POLN: variants seen among roughly 807,000 people sequenced by gnomAD.
POLN encodes DNA polymerase nu.
In POLN, 108 loss-of-function variants were observed where a neutral mutation model predicts 113.5. That is an observed-to-expected ratio of 0.95 (90% CI 0.81 to 1.12). The LOEUF (loss-of-function observed/expected upper bound fraction) is 1.12. POLN is among the 50% of genes most tolerant of loss of function. The probability of loss-of-function intolerance (pLI) is 0.00; values close to 1 mark genes in which losing one functional copy is unlikely to be tolerated. For missense variants in POLN, 1,097 were observed against 1,077.1 expected (o/e 1.02, Z -0.26); for synonymous variants, 386 against 391.5 (o/e 0.99, Z 0.17).
chr4:2,113,859 AAATAATAATAATAATAATAAT>A (rs150255371), intron 19 of POLN, among the ~76,000 whole-genome samples: 1 of 140,038 alleles, frequency 7.1e-6, no homozygotes, highest in Non-Finnish European at 1.5e-5. Flanking sequence ...CTCCATTTCA[AAATAATAATAATAATAATAAT>A]AATAATAATA....
At chr4:2,241,045 A>C in intron 2 of POLN, 3 of 842,292 alleles carry the variant, frequency 3.6e-6, no homozygotes, top group Non-Finnish European at 5.6e-6. Flanking sequence ...TTTTATACCA[A>C]GTCCACAGAG....
intron 3 of POLN, among the ~76,000 whole-genome samples, chr4:2,219,707 C>T (rs1186037155): frequency 1.3e-5 from 2 of 152,150 alleles, no homozygotes; most frequent in Admixed American, 6.5e-5. Flanking sequence ...GTTTCCCAGC[C>T]CTCCACAATA....
In POLN at chr4:2,093,536, C is replaced by A. The variant is rs968964395; in HGVS notation, c.2065+2315G>T. On this transcript the variant is annotated intron_variant, in intron 20 of 25. Coordinates refer to ENST00000511885, the MANE Select transcript of POLN (RefSeq NM_181808.4). The surrounding 1 kb of genome is among the most constrained non-coding windows in gnomAD (Gnocchi z 4.1). ...GGGTTGGGGATCAAGCCCAGGCTGC[C>A]GGGCCCAGGACTGGGGAGGTGATGT... Among the ~76,000 whole-genome samples, 1 of 152,154 alleles carries A rather than the reference C, an allele frequency of 6.6e-6. No homozygotes were observed. The highest frequency in any genetic ancestry group is 2.1e-4 in the South Asian group (1 of 4,822).
intron 16 of POLN, chr4:2,139,563 A>T (rs1266213682): frequency 6.6e-6 from 1 of 152,264 alleles, no homozygotes; most frequent in Non-Finnish European, 1.5e-5. Flanking sequence ...GAGGTGATGC[A>T]TGGAATGAGG....
chr4:2,080,693 G>A (rs1056006719), intron 23 of POLN: 71 of 1,365,750 alleles, frequency 5.2e-5, no homozygotes, highest in Non-Finnish European at 5.6e-5. Context: ...GTGCTGTGCA[G>A]ACACCCCGAG....
chr4:2,209,639 A>C (rs1422517639), intron 4 of POLN, among the ~76,000 whole-genome samples: 1 of 150,032 alleles, frequency 6.7e-6, no homozygotes, highest in Non-Finnish European at 1.5e-5. Flanking sequence ...CTTTATTTTT[A>C]AGGTTTCTTT....
intron 2 of POLN, chr4:2,240,171 C>G (rs145093973): frequency 6.2e-7 from 1 of 1,613,944 alleles, no homozygotes; most frequent in Non-Finnish European, 8.5e-7. Flanking sequence ...CATCTCTAGT[C>G]GTCTCTCCTC....
At chr4:2,213,466 T>C (rs181024377) in intron 3 of POLN, among the ~76,000 whole-genome samples, 12 of 152,366 alleles carry the variant, frequency 7.9e-5, no homozygotes, top group Non-Finnish European at 1.2e-4. Context: ...GGGGAAATTC[T>C]TAGACTGAAT....
At chr4:2,105,128 G>T (rs1357518686) in intron 19 of POLN, among the ~76,000 whole-genome samples, 1 of 152,152 alleles carries the variant, frequency 6.6e-6, no homozygotes, top group Non-Finnish European at 1.5e-5. Context: ...CTGAACTCTT[G>T]TTCTGACCTC....
At chr4:2,216,883 G>A (rs576112118) in intron 3 of POLN, among the ~76,000 whole-genome samples, 18 of 152,320 alleles carry the variant, frequency 1.2e-4, no homozygotes, top group African/African-American at 4.1e-4. Flanking sequence ...TGGTGAGGGG[G>A]AGCCCCATGC....
chr4:2,174,645 G>A (rs1194561368), intron 10 of POLN, 46 bp downstream of exon 10: 1 of 1,465,658 alleles, frequency 6.8e-7, no homozygotes, highest in Non-Finnish European at 9.6e-7. Flanking sequence ...ACAATATGAA[G>A]AACCCTCTAG....
At chr4:2,103,330 T>G (rs1433269144) in intron 19 of POLN, among the ~76,000 whole-genome samples, 1 of 152,038 alleles carries the variant, frequency 6.6e-6, no homozygotes, top group African/African-American at 2.4e-5. Context: ...ATTTGAAAGC[T>G]TCAACAACAG....
chr4:2,240,260 T>C, intron 2 of POLN: 1 of 1,613,746 alleles, frequency 6.2e-7, no homozygotes, highest in Non-Finnish European at 8.5e-7. Context: ...AACTTTCAAC[T>C]ACTTCATGTA....
chr4:2,236,690 C>G (rs965914258), intron 2 of POLN, among the ~76,000 whole-genome samples: 4 of 151,818 alleles, frequency 2.6e-5, no homozygotes, highest in African/African-American at 9.7e-5. Flanking sequence ...GAAACCCCAT[C>G]TCCACTAAAA....
At chr4:2,188,656 A>G (rs892493175) in intron 7 of POLN, among the ~76,000 whole-genome samples, 16 of 152,030 alleles carry the variant, frequency 1.1e-4, no homozygotes, top group African/African-American at 3.6e-4. Context: ...ACGAACATAC[A>G]AAAAGAAAAC....
chr4:2,136,219 C>T (rs192078845), intron 16 of POLN, among the ~76,000 whole-genome samples: 112 of 152,290 alleles, frequency 7.4e-4, no homozygotes, highest in Non-Finnish European at 1.2e-3. Context: ...GTTTAAGTTC[C>T]CCAAACTACG....
At chr4:2,088,874 C>A in intron 20 of POLN, 2 of 1,454,958 alleles carry the variant, frequency 1.4e-6, no homozygotes, top group South Asian at 1.3e-5. Flanking sequence ...GTCAAGGGTG[C>A]GTCGCTTGCA....
chr4:2,081,044 G>T lies in POLN; in HGVS notation c.2309-8C>A, dbSNP rs996874058. 8.1e-6 allele frequency: 13 copies of T among 1,613,410 alleles called. No homozygotes were observed. Among genetic ancestry groups the T allele is most frequent in the Non-Finnish European group, 1.1e-5 (13 of 1,179,982 alleles). On this transcript the variant is annotated splice_region_variant and splice_polypyrimidine_tract_variant and intron_variant, in intron 22 of 25. Transcript: ENST00000511885. The stretch of plus-strand genomic sequence containing the variant: ...AGAGGTCAGCAGCGGAGCCTATGGG[G>T]CGCGTGGTACTGTCTTGAGGTCCCA...
At chr4:2,202,451 A>G (rs1414796843) in intron 5 of POLN, among the ~76,000 whole-genome samples, 1 of 152,064 alleles carries the variant, frequency 6.6e-6, no homozygotes, top group Non-Finnish European at 1.5e-5. Flanking sequence ...CAAAGAGGAG[A>G]CCAGACTCAT....
Sources: allele counts gnomAD v4.1 joint callset (sites outside exome capture counted in the v4.1 genomes callset), GRCh38; gene constraint gnomAD v4.1.1; non-coding constraint Gnocchi (gnomAD v3.1); transcripts MANE v1.5; gene names NCBI Gene and HGNC (gene_info 2026-07-23, HGNC 2026-07-21).